The following GPHN variants were observed in gnomAD, a reference collection of about 807,000 sequenced individuals.
GPHN encodes the protein gephyrin.
GPHN carries 17 observed loss-of-function variants against 95.5 expected under a neutral mutation model. The ratio of observed to expected loss-of-function variants is 0.18; its 90% CI spans 0.12 to 0.27. GPHN has a LOEUF of 0.27. Ranked by LOEUF, GPHN falls within the 10% of genes least tolerant of loss-of-function variation. The probability of loss-of-function intolerance (pLI) is 1.00; values close to 1 mark genes in which losing one functional copy is unlikely to be tolerated. For missense variants in GPHN, 660 were observed against 978.1 expected, an observed-to-expected ratio of 0.67 and a Z score of 4.34; for synonymous variants, 320 against 322.5, an observed-to-expected ratio of 0.99 and a Z score of 0.08.
At chr14:67,303,549 G>C in the GPHN span, 1 of 1,613,740 alleles carries the variant, frequency 6.2e-7, no homozygotes, top group Non-Finnish European at 8.5e-7. Flanking sequence ...TTTGACTTTT[G>C]TCCTGATTCC....
chr14:67,689,497 A>T, the GPHN span, among the ~76,000 whole-genome samples: 1 of 152,082 alleles, frequency 6.6e-6, no homozygotes, highest in Admixed American at 6.6e-5. Flanking sequence ...TACCTGTTTT[A>T]GTCTACTGCC....
the GPHN span, among the ~76,000 whole-genome samples, chr14:67,659,197 A>C: frequency 6.6e-6 from 1 of 152,220 alleles, no homozygotes; most frequent in Non-Finnish European, 1.5e-5. Context: ...AAAATGATAA[A>C]AAGCTCCTTC....
chr14:66,686,295 A>G (rs1231469471), intron 2 of GPHN, among the ~76,000 whole-genome samples: 1 of 152,214 alleles, frequency 6.6e-6, no homozygotes, highest in African/African-American at 2.4e-5. Context: ...AAGTCATGGT[A>G]GCTTGATAGG....
chr14:66,839,174 C>G lies in GPHN; in HGVS notation c.294+14608C>G, dbSNP rs534091604. ...CTGAGAAGAAAGAAGCAGTAAACCT[C>G]TCTTGTATGTACAGTTTGAAAATGA... On this transcript the variant is annotated intron_variant, in intron 4 of 22. Coordinates refer to ENST00000478722, the MANE Select transcript of GPHN (RefSeq NM_020806.5). Among the ~76,000 whole-genome samples, 9 of 152,274 alleles carry G rather than the reference C, an allele frequency of 5.9e-5. No homozygotes were observed. The South Asian group carries it at 1.7e-3, about 28-fold the overall frequency.
the GPHN span, chr14:67,359,746 T>C: frequency 1.2e-6 from 2 of 1,610,446 alleles, no homozygotes; most frequent in African/African-American, 2.7e-5. Flanking sequence ...CAACCGAGGC[T>C]GCAATAGCTC....
chr14:66,581,499 A>G (rs1285840951), intron 1 of GPHN, among the ~76,000 whole-genome samples: 1 of 152,004 alleles, frequency 6.6e-6, no homozygotes, highest in Non-Finnish European at 1.5e-5. Context: ...AGAATTACAA[A>G]ACAACCGGAA....
the GPHN span, among the ~76,000 whole-genome samples, chr14:67,323,512 T>C: frequency 1.3e-5 from 2 of 151,408 alleles, no homozygotes; most frequent in Non-Finnish European, 2.9e-5. Context: ...CTACTGGGGA[T>C]GCTGAGATGA....
At chr14:67,422,897 T>C in the GPHN span, among the ~76,000 whole-genome samples, 1 of 146,656 alleles carries the variant, frequency 6.8e-6, no homozygotes, top group African/African-American at 2.5e-5. Flanking sequence ...AATGGTGCAA[T>C]CTTGGCTCAC....
chr14:67,620,782 G>A, the GPHN span: 1 of 974,076 alleles, frequency 1.0e-6, no homozygotes, highest in Non-Finnish European at 1.6e-6. Context: ...TTGATGGAAG[G>A]GCTGATGCTG....
the GPHN span, among the ~76,000 whole-genome samples, chr14:67,658,089 T>C: frequency 1.3e-4 from 20 of 152,124 alleles, no homozygotes; most frequent in Admixed American, 2.6e-4. Flanking sequence ...TACAGACCAG[T>C]AGACGAGGAA....
At chr14:66,892,542 C>T (rs2064570879) in intron 5 of GPHN, among the ~76,000 whole-genome samples, 1 of 152,136 alleles carries the variant, frequency 6.6e-6, no homozygotes, top group Non-Finnish European at 1.5e-5. Flanking sequence ...AATGCATAAA[C>T]AAAATGGGTT....
intron 5 of GPHN, among the ~76,000 whole-genome samples, chr14:66,891,720 CA>C (rs1351881448): frequency 6.6e-6 from 1 of 151,914 alleles, no homozygotes; most frequent in African/African-American, 2.4e-5. Context: ...AAAATATTCA[CA>C]ATCACATATC....
chr14:67,024,367 A>G (rs751398870), intron 10 of GPHN, among the ~76,000 whole-genome samples: 30 of 152,276 alleles, frequency 2.0e-4, no homozygotes, highest in Non-Finnish European at 3.5e-4. Flanking sequence ...TAATGGTTTT[A>G]TTATTGTTCT....
intron 1 of GPHN, among the ~76,000 whole-genome samples, chr14:66,644,189 T>G (rs2064603977): frequency 6.6e-6 from 1 of 152,084 alleles, no homozygotes; most frequent in African/African-American, 2.4e-5. Flanking sequence ...CAGAACGCCT[T>G]GGGTTACACT....
chr14:66,880,510 A>G (rs2063879785), intron 5 of GPHN, among the ~76,000 whole-genome samples: 1 of 151,978 alleles, frequency 6.6e-6, no homozygotes, highest in South Asian at 2.1e-4. Flanking sequence ...TCATCAGTTG[A>G]TATCTATTAA....
chr14:66,864,356 C>T (rs2063149118), intron 4 of GPHN, among the ~76,000 whole-genome samples: 1 of 152,136 alleles, frequency 6.6e-6, no homozygotes, highest in Non-Finnish European at 1.5e-5. Context: ...CCCTTGTACA[C>T]CATTGGTAGG....
chr14:67,392,727 C>T, the GPHN span: 48 of 1,614,082 alleles, frequency 3.0e-5, no homozygotes, highest in African/African-American at 5.3e-5. Context: ...CGAATGGCTC[C>T]CATGCTTCGG....
chr14:66,710,766 C>CA (rs2069541806), intron 2 of GPHN, among the ~76,000 whole-genome samples: 1 of 152,110 alleles, frequency 6.6e-6, no homozygotes. Flanking sequence ...GGCTTTTTAA[C>CA]CTATGTGCCT....
chr14:67,110,693 A>C (rs2078315574), intron 14 of GPHN, among the ~76,000 whole-genome samples: 1 of 152,192 alleles, frequency 6.6e-6, no homozygotes, highest in African/African-American at 2.4e-5. Context: ...ATGAAATCAG[A>C]ATTTACTAGA....
Sources: allele counts gnomAD v4.1 joint callset (sites outside exome capture counted in the v4.1 genomes callset), GRCh38; gene constraint gnomAD v4.1.1; transcripts MANE v1.5; gene names NCBI Gene and HGNC (gene_info 2026-07-23, HGNC 2026-07-21).